The following XRRA1 variants were observed in gnomAD, a reference collection of about 807,000 sequenced individuals.
XRRA1 encodes the protein X-ray radiation resistance-associated protein 1.
In XRRA1, 69 loss-of-function variants were observed where a neutral mutation model predicts 80.2. The ratio of observed to expected loss-of-function variants is 0.86; its 90% CI spans 0.71 to 1.05. XRRA1 has a LOEUF of 1.05. Ranked by LOEUF, XRRA1 falls within the 50% of genes least tolerant of loss-of-function variation. The pLI is 0.00. For synonymous variants in XRRA1, 348 were observed against 389.9 expected, an observed-to-expected ratio of 0.89 and a Z score of 1.27; for missense variants, 967 against 976.4, an observed-to-expected ratio of 0.99 and a Z score of 0.13.
In XRRA1 at chr11:74,882,020, C is replaced by T. The variant is rs1422472220; in HGVS notation, c.1004-18999G>A. Among the ~76,000 whole-genome samples the T allele has an allele frequency of 1.5e-4, 22 of 144,262 alleles. 1 individual carries two copies. The Middle Eastern group carries it at 0.01, about 68-fold the overall frequency. 94.6% of individuals were successfully genotyped at this position (144,262 alleles called of 152,430 possible). On this transcript the variant is annotated intron_variant, in intron 10 of 18. Coordinates refer to ENST00000684022, the MANE Select transcript of XRRA1 (RefSeq NM_001378157.1). ...CTCTTCTCAAGGAGTATCTTTGTGG[C>T]GTTCTCTGTATTTCCTGAATCTGAA...
chr11:74,904,123 T>C (rs944619380), intron 10 of XRRA1, among the ~76,000 whole-genome samples: 4 of 152,192 alleles, frequency 2.6e-5, no homozygotes, highest in African/African-American at 9.6e-5. Context: ...TAAAGAATCA[T>C]TGGTATATAA....
chr11:74,915,361 A>G (rs549208140), intron 8 of XRRA1, among the ~76,000 whole-genome samples: 2 of 152,322 alleles, frequency 1.3e-5, no homozygotes, highest in South Asian at 4.1e-4. Flanking sequence ...CCCCAAGACA[A>G]TCCCCTGTGG....
At position 74,848,460 on chromosome 11, in the gene XRRA1, C is replaced by T; in HGVS notation, c.1383G>A (p.Val461=). ...VLMSRKESWK[V]KSEIPKVPKQ... is the part of the protein sequence containing the mutation. ...TCGGCACCTTTGGGATTTCGCTTTT[C>T]ACCTGTCATGGAGAAGGGCCAGAAT... The change falls in exon 15 of 19, where the codon GTG becomes GTA. Residue 461 remains valine, a splice_region_variant and synonymous_variant. Transcript: ENST00000684022. 6.2e-7 allele frequency: 1 copy of T among 1,604,484 alleles called. No individual in the cohort carries two copies. The highest frequency in any genetic ancestry group is 8.5e-7 in the Non-Finnish European group (1 of 1,173,866).
At chr11:74,945,187 C>G (rs1947240084) in intron 1 of XRRA1, 102 bp from the exon 2 acceptor site, 1 of 152,358 alleles carries the variant, frequency 6.6e-6, no homozygotes, top group Admixed American at 6.6e-5. Flanking sequence ...CAATATTTGT[C>G]TTGCCTTTAG....
chr11:74,878,847 T>G (rs1480510282), intron 10 of XRRA1, among the ~76,000 whole-genome samples: 1 of 151,858 alleles, frequency 6.6e-6, no homozygotes, highest in Admixed American at 6.6e-5. Flanking sequence ...ACCAGTACCA[T>G]GCTGTTTTGG....
chr11:74,889,101 G>C (rs983928868), intron 10 of XRRA1, among the ~76,000 whole-genome samples: 1 of 152,144 alleles, frequency 6.6e-6, no homozygotes, highest in Non-Finnish European at 1.5e-5. Flanking sequence ...ATACATAATT[G>C]TCAGATTCAC....
intron 8 of XRRA1, among the ~76,000 whole-genome samples, chr11:74,916,541 C>T (rs185088748): frequency 5.4e-4 from 82 of 152,142 alleles, no homozygotes; most frequent in African/African-American, 2.0e-3. Flanking sequence ...TTGATATTTC[C>T]ATTTTGTTAA....
intron 12 of XRRA1, among the ~76,000 whole-genome samples, chr11:74,855,540 T>A (rs1296473474): frequency 6.6e-6 from 1 of 152,192 alleles, no homozygotes; most frequent in African/African-American, 2.4e-5. Flanking sequence ...CTCTCTCGGG[T>A]GAGCTGAATG....
chr11:74,889,041 GA>G (rs2049913007), intron 10 of XRRA1, among the ~76,000 whole-genome samples: 1 of 152,124 alleles, frequency 6.6e-6, no homozygotes, highest in East Asian at 1.9e-4. Context: ...TCAAATTCAG[GA>G]AATACACAGA....
chr11:74,934,084 T>A (rs1944347369), intron 4 of XRRA1, among the ~76,000 whole-genome samples: 1 of 152,210 alleles, frequency 6.6e-6, no homozygotes, highest in Non-Finnish European at 1.5e-5. Context: ...GCTGAATACA[T>A]TAACAAACTT....
chr11:74,887,619 C>T lies in XRRA1; in HGVS notation c.1003+18620G>A, dbSNP rs562261504. On this transcript the variant is annotated intron_variant, in intron 10 of 18. Transcript: ENST00000684022. Reference sequence around the variant, plus strand: ...GCACCGAGTGTGAGCCAAAGCAGGGCGAGGCATTGCCTCACCCAGGTAGCG... The same window carrying T: ...GCACCGAGTGTGAGCCAAAGCAGGGTGAGGCATTGCCTCACCCAGGTAGCG... Among the ~76,000 whole-genome samples, 174 of 152,298 alleles carry T rather than the reference C, an allele frequency of 1.1e-3. 1 individual carries two copies. The highest frequency in any genetic ancestry group is 6.8e-3 in the Middle Eastern group (2 of 294).
In XRRA1 at chr11:74,841,502, T is replaced by G. The variant is rs1382653343; in HGVS notation, c.*1698A>C. The G allele has an allele frequency of 6.6e-6, 1 of 152,210 alleles. No homozygotes were observed. The highest frequency in any genetic ancestry group is 1.5e-5 in the Non-Finnish European group (1 of 68,032). The allele number at this position is 152,210 out of a possible 1,614,324, so 9.4% of individuals were successfully genotyped here. On this transcript the variant is annotated 3_prime_UTR_variant, in exon 19 of 19. Transcript: ENST00000684022. ...AAGTGCCAAGACTGGATGTGCAGAT[T>G]GTTCTATGTATTATCAGTATTTTTT...
At chr11:74,885,266 A>C (rs564747124) in intron 10 of XRRA1, among the ~76,000 whole-genome samples, 1 of 152,044 alleles carries the variant, frequency 6.6e-6, no homozygotes, top group South Asian at 2.1e-4. Context: ...CCTGTCTCAA[A>C]GAAGAGAAAA....
chr11:74,877,453 CTTT>C (rs551018786), intron 10 of XRRA1, among the ~76,000 whole-genome samples: 1 of 151,294 alleles, frequency 6.6e-6, no homozygotes, highest in African/African-American at 2.4e-5. Context: ...TAATGGGATT[CTTT>C]TTTTTTATTT....
chr11:74,908,684 C>T (rs138366111), intron 8 of XRRA1, among the ~76,000 whole-genome samples: 115 of 152,226 alleles, frequency 7.6e-4, no homozygotes, highest in African/African-American at 2.4e-3. Context: ...TAGGTGGACA[C>T]GCAGCCTGTG....
intron 10 of XRRA1, among the ~76,000 whole-genome samples, chr11:74,865,227 A>T (rs565044604): frequency 8.9e-4 from 135 of 152,230 alleles, no homozygotes; most frequent in African/African-American, 3.1e-3. Flanking sequence ...TAGGAGACAC[A>T]TGCCCCTCTG....
intron 8 of XRRA1, among the ~76,000 whole-genome samples, chr11:74,915,852 G>A (rs1180790852): frequency 2.0e-5 from 3 of 152,048 alleles, no homozygotes; most frequent in Non-Finnish European, 4.4e-5. Flanking sequence ...CGGGACTGGT[G>A]GTAATGAATT....
At chr11:74,887,624 CA>C (rs2049380290) in intron 10 of XRRA1, among the ~76,000 whole-genome samples, 1 of 152,212 alleles carries the variant, frequency 6.6e-6, no homozygotes. Flanking sequence ...CAGGGCGAGG[CA>C]TTGCCTCACC....
intron 9 of XRRA1, 102 bp from the exon 10 acceptor site, chr11:74,906,558 C>T: frequency 6.1e-6 from 8 of 1,313,122 alleles, no homozygotes; most frequent in Non-Finnish European, 8.3e-6. Context: ...GGCTTGGATA[C>T]TTATTCCTCT....
Sources: gnomAD v4.1 joint callset for allele counts (sites outside exome capture counted in the v4.1 genomes callset) on GRCh38, gnomAD v4.1.1 for gene constraint, MANE v1.5 for transcripts, NCBI Gene and HGNC (gene_info 2026-07-23, HGNC 2026-07-21) for gene names.